The following AKAP19 variants were observed in gnomAD, a reference collection of about 807,000 sequenced individuals.
AKAP19 encodes A-kinase anchoring protein 19, also known as small A-kinase anchoring protein.
chr2:189,981,743 C>T, the AKAP19 span, among the ~76,000 whole-genome samples: 1 of 152,102 alleles, frequency 6.6e-6, no homozygotes, highest in Non-Finnish European at 1.5e-5. Context: ...TTTATTTCCT[C>T]TAGAATATGT....
the AKAP19 span, among the ~76,000 whole-genome samples, chr2:190,126,289 C>CAAAAAAAGAA: frequency 3.2e-5 from 1 of 31,300 alleles, no homozygotes; most frequent in African/African-American, 9.6e-5. Flanking sequence ...GATTCCATCT[C>CAAAAAAAGAA]AAAAAAAAAA....
chr2:189,945,514 C>T, the AKAP19 span, among the ~76,000 whole-genome samples: 3 of 152,178 alleles, frequency 2.0e-5, no homozygotes, highest in African/African-American at 7.2e-5. Context: ...TCCTGAATTC[C>T]TATTCACAAA....
At chr2:190,061,051 T>C in the AKAP19 span, among the ~76,000 whole-genome samples, 1 of 152,080 alleles carries the variant, frequency 6.6e-6, no homozygotes, top group Non-Finnish European at 1.5e-5. Flanking sequence ...GAAAGTATTG[T>C]CTTTAGGGCC....
At chr2:189,880,330 T>C in the AKAP19 span, among the ~76,000 whole-genome samples, 5 of 152,296 alleles carry the variant, frequency 3.3e-5, no homozygotes, top group Non-Finnish European at 7.4e-5. Context: ...AAACCAAAAA[T>C]AGATTTAACT....
the AKAP19 span, among the ~76,000 whole-genome samples, chr2:190,129,807 A>G: frequency 6.6e-6 from 1 of 152,170 alleles, no homozygotes; most frequent in Non-Finnish European, 1.5e-5. Flanking sequence ...AGATAGACCT[A>G]TCTCTAAAGA....
the AKAP19 span, among the ~76,000 whole-genome samples, chr2:190,196,921 TATCA>T: frequency 1.4e-4 from 21 of 152,280 alleles, no homozygotes; most frequent in African/African-American, 4.8e-4. Context: ...ACTGGGTGTT[TATCA>T]ATCAGTCACA....
At chr2:189,914,451 G>A in the AKAP19 span, among the ~76,000 whole-genome samples, 9 of 151,916 alleles carry the variant, frequency 5.9e-5, no homozygotes, top group Non-Finnish European at 1.3e-4. Context: ...TGAATATGAA[G>A]GTGATTATTG....
At chr2:189,893,477 C>T in the AKAP19 span, among the ~76,000 whole-genome samples, 1 of 152,196 alleles carries the variant, frequency 6.6e-6, no homozygotes, top group Non-Finnish European at 1.5e-5. Context: ...GAGAGGGAGT[C>T]CCCTGACCCC....
chr2:190,036,710 G>C, the AKAP19 span, among the ~76,000 whole-genome samples: 1 of 152,184 alleles, frequency 6.6e-6, no homozygotes, highest in East Asian at 1.9e-4. Context: ...GTGTAGAATA[G>C]ACTCATATAT....
the AKAP19 span, among the ~76,000 whole-genome samples, chr2:189,916,867 A>G: frequency 6.6e-6 from 1 of 152,130 alleles, no homozygotes; most frequent in South Asian, 2.1e-4. Context: ...CCATTGAAGG[A>G]CATCTGAGTT....
At chr2:189,931,090 T>C in the AKAP19 span, 3 of 417,404 alleles carry the variant, frequency 7.2e-6, no homozygotes, top group Non-Finnish European at 1.3e-5. Context: ...AATAAGTATG[T>C]GGGATACTTT....
At chr2:190,187,548 C>T in the AKAP19 span, among the ~76,000 whole-genome samples, 2 of 151,744 alleles carry the variant, frequency 1.3e-5, no homozygotes, top group African/African-American at 4.8e-5. Context: ...TGGAGGAACA[C>T]AGCTACAAAA....
At chr2:189,931,915 C>G in the AKAP19 span, among the ~76,000 whole-genome samples, 3 of 152,108 alleles carry the variant, frequency 2.0e-5, no homozygotes, top group Admixed American at 2.0e-4. Context: ...TGAGCCCCAG[C>G]CCGATACAAT....
chr2:189,951,259 T>C, the AKAP19 span, among the ~76,000 whole-genome samples: 1 of 138,738 alleles, frequency 7.2e-6, no homozygotes, highest in Admixed American at 8.1e-5. Context: ...TGGAGTGCAA[T>C]GATGCGATCT....
chr2:190,005,608 T>C, the AKAP19 span, among the ~76,000 whole-genome samples: 16 of 152,218 alleles, frequency 1.1e-4, no homozygotes, highest in Non-Finnish European at 2.1e-4. Context: ...TTGCAGTCTT[T>C]ACATTTTGTC....
the AKAP19 span, chr2:190,056,495 T>G: frequency 6.6e-6 from 1 of 152,560 alleles, no homozygotes; most frequent in Middle Eastern, 3.2e-3. Context: ...CCTTTTAAGA[T>G]AATGCAGTTT....
chr2:190,063,356 C>G, the AKAP19 span, among the ~76,000 whole-genome samples: 1 of 151,972 alleles, frequency 6.6e-6, no homozygotes, highest in Non-Finnish European at 1.5e-5. Context: ...TACATAGTTT[C>G]ATGTCTTTTA....
chr2:190,202,495 T>C, the AKAP19 span: 1 of 167,072 alleles, frequency 6.0e-6, no homozygotes, highest in Non-Finnish European at 1.5e-5. Context: ...TTACATGTGA[T>C]AGTTATCATG....
At chr2:189,881,591 G>A in the AKAP19 span, among the ~76,000 whole-genome samples, 4 of 152,182 alleles carry the variant, frequency 2.6e-5, no homozygotes, top group Non-Finnish European at 1.5e-5. Flanking sequence ...ATGTAAGTAG[G>A]TTGCTGTTAT....
Sources: allele counts gnomAD v4.1 joint callset (sites outside exome capture counted in the v4.1 genomes callset), GRCh38; gene constraint gnomAD v4.1.1; transcripts MANE v1.5; gene names NCBI Gene and HGNC (gene_info 2026-07-23, HGNC 2026-07-21).